The following TSPAN15 variants were observed in gnomAD, a reference collection of about 807,000 sequenced individuals.
TSPAN15 encodes the protein tetraspanin 15.
Under a neutral mutation model 34.5 loss-of-function variants are expected in TSPAN15, and 20 were observed. That is an observed-to-expected ratio of 0.58 (90% confidence interval 0.41 to 0.84). TSPAN15 has a LOEUF of 0.84. Among genes scored for constraint, TSPAN15 ranks in the 40% least tolerant of loss-of-function variants. The probability of loss-of-function intolerance (pLI) is 0.00; values close to 1 mark genes in which losing one functional copy is unlikely to be tolerated. For synonymous variants in TSPAN15, 155 were observed against 153.9 expected, an observed-to-expected ratio of 1.01 and a Z score of -0.05; for missense variants, 313 against 386.1, an observed-to-expected ratio of 0.81 and a Z score of 1.59.
At chr10:69,474,424 A>G (rs1456900661) in intron 1 of TSPAN15, among the ~76,000 whole-genome samples, 1 of 152,046 alleles carries the variant, frequency 6.6e-6, no homozygotes, top group Non-Finnish European at 1.5e-5. Context: ...GGCTGCCAGG[A>G]CCTTGGACTG....
chr10:69,536,751 G>A, the TSPAN15 span, among the ~76,000 whole-genome samples: 1 of 152,070 alleles, frequency 6.6e-6, no homozygotes, highest in Non-Finnish European at 1.5e-5. Flanking sequence ...TTGAGAGGAC[G>A]AGGCGGGTGG....
intron 1 of TSPAN15, among the ~76,000 whole-genome samples, chr10:69,459,263 A>G (rs1278336834): frequency 6.6e-6 from 1 of 152,116 alleles, no homozygotes; most frequent in Non-Finnish European, 1.5e-5. Flanking sequence ...AAGTCAACAA[A>G]TAGTTATTTG....
At chr10:69,473,262 C>A (rs556644166) in intron 1 of TSPAN15, among the ~76,000 whole-genome samples, 2 of 152,116 alleles carry the variant, frequency 1.3e-5, no homozygotes, top group African/African-American at 2.4e-5. Context: ...TGGGCTCAAG[C>A]GATGGGAGGA....
At position 69,451,479 on chromosome 10, in the gene TSPAN15, G is replaced by A. The variant is rs1589615259; in HGVS notation, c.-116G>A. 3 of 1,291,100 alleles carry A rather than the reference G, an allele frequency of 2.3e-6. No homozygotes were observed. Among genetic ancestry groups the A allele is most frequent in the Middle Eastern group, 5.8e-4 (2 of 3,476 alleles). 80.0% of individuals were successfully genotyped at this position (1,291,100 alleles called of 1,614,324 possible). A position where few individuals can be genotyped will look rare whatever the true frequency, so the allele number is the denominator to read the frequency against. ...CGCGCTCCAGTGTCAGTCCCGGAGA[G>A]AACGCCGGTGGCGGGGCTGGTAGCC... On this transcript the variant is annotated 5_prime_UTR_variant, in exon 1 of 8. Coordinates refer to ENST00000373290, the MANE Select transcript of TSPAN15 (RefSeq NM_012339.5).
chr10:69,543,495 C>T, the TSPAN15 span, among the ~76,000 whole-genome samples: 1 of 152,182 alleles, frequency 6.6e-6, no homozygotes. Context: ...TCCAAGGGGA[C>T]TACTAGCAGC....
chr10:69,543,029 A>G, the TSPAN15 span, among the ~76,000 whole-genome samples: 2 of 152,110 alleles, frequency 1.3e-5, no homozygotes, highest in African/African-American at 2.4e-5. Context: ...TTCTCCCTTT[A>G]GGGGAAGTCT....
the TSPAN15 span, among the ~76,000 whole-genome samples, chr10:69,537,270 T>A: frequency 1.3e-5 from 2 of 151,990 alleles, no homozygotes; most frequent in African/African-American, 4.8e-5. Flanking sequence ...CGTGAAAGAG[T>A]ATGGCACTGC....
At chr10:69,525,754 G>C in the TSPAN15 span, among the ~76,000 whole-genome samples, 2 of 145,264 alleles carry the variant, frequency 1.4e-5, 1 homozygote, top group East Asian at 5.2e-4. Context: ...CTGGGAGGCA[G>C]AGGCTGCAGT....
chr10:69,477,174 C>T lies in TSPAN15; in HGVS notation c.97-6517C>T, dbSNP rs139063808. On this transcript the variant is annotated intron_variant, in intron 1 of 7. Coordinates refer to ENST00000373290, the MANE Select transcript of TSPAN15 (RefSeq NM_012339.5). ...TCTTTGAGACAGAGTCTCACTCTGT[C>T]GCCAGGCTGGAGTACAGTGGCACAA... Among the ~76,000 whole-genome samples the T allele has an allele frequency of 4.9e-3, 753 of 152,162 alleles. 5 individuals are homozygous for T. Among genetic ancestry groups the T allele is most frequent in the African/African-American group, 0.017 (717 of 41,506 alleles).
the TSPAN15 span, among the ~76,000 whole-genome samples, chr10:69,524,036 G>A: frequency 6.8e-6 from 1 of 148,056 alleles, no homozygotes; most frequent in Non-Finnish European, 1.5e-5. Context: ...AAACATCTCT[G>A]TTTTATGATG....
chr10:69,478,862 G>A (rs2394563), intron 1 of TSPAN15, among the ~76,000 whole-genome samples: 25,310 of 152,226 alleles, frequency 0.17, 2,619 homozygotes, highest in Non-Finnish European at 0.23. Flanking sequence ...GAATGTAAAT[G>A]ACATTTTAAG....
At chr10:69,509,620 G>A (rs1210064259), downstream of TSPAN15, among the ~76,000 whole-genome samples, 5 of 152,118 alleles carry the variant, frequency 3.3e-5, no homozygotes. Flanking sequence ...GGCTTTTGTT[G>A]CCATTGCTTT....
At chr10:69,462,174 T>G (rs1425824023) in intron 1 of TSPAN15, among the ~76,000 whole-genome samples, 3 of 145,580 alleles carry the variant, frequency 2.1e-5, no homozygotes, top group Non-Finnish European at 4.5e-5. Context: ...TTTTTTTTTT[T>G]TTTTTTTGTA....
intron 2 of TSPAN15, 124 bp downstream of exon 2, chr10:69,484,000 T>A: frequency 9.6e-7 from 1 of 1,044,012 alleles, no homozygotes; most frequent in Non-Finnish European, 1.4e-6. Context: ...AGAGAGCTCC[T>A]TAGATCAGCC....
chr10:69,458,376 T>A (rs1409876682), intron 1 of TSPAN15, among the ~76,000 whole-genome samples: 1 of 152,260 alleles, frequency 6.6e-6, no homozygotes, highest in Non-Finnish European at 1.5e-5. Context: ...TCCCCTTTGA[T>A]TCTACCACTG....
rs1842362793 is a variant in TSPAN15, at chr10:69,507,651, G to GTTTTGTTTTTTTTTTTTTTTTTTTTT, written c.*677_*678insGTTTTTTTTTTTTTTTTTTTTTTTTT. The GTTTTGTTTTTTTTTTTTTTTTTTTTT allele has an allele frequency of 1.2e-6, 1 of 839,134 alleles. No homozygotes were observed. Among genetic ancestry groups the GTTTTGTTTTTTTTTTTTTTTTTTTTT allele is most frequent in the African/African-American group, 1.9e-5 (1 of 51,370 alleles). 52.0% of individuals were successfully genotyped at this position (839,134 alleles called of 1,614,324 possible). On this transcript the variant is annotated 3_prime_UTR_variant, in exon 8 of 8. Coordinates refer to ENST00000373290, the MANE Select transcript of TSPAN15 (RefSeq NM_012339.5). ...TTTGTTAATCAAACAATAAAAACATGTTTTTTTTTTTTTTTTTTTTTTGCC... is the reference window on the plus strand; with the variant it reads ...TTTGTTAATCAAACAATAAAAACATGTTTTGTTTTTTTTTTTTTTTTTTTTTTTTTTTTTTTTTTTTTTTTTTTGCC...
At chr10:69,535,319 G>A in the TSPAN15 span, among the ~76,000 whole-genome samples, 1 of 152,124 alleles carries the variant, frequency 6.6e-6, no homozygotes, top group Non-Finnish European at 1.5e-5. Flanking sequence ...ACTTGAAGAG[G>A]CTCCCAGTAG....
chr10:69,527,017 G>C, the TSPAN15 span, among the ~76,000 whole-genome samples: 1 of 147,574 alleles, frequency 6.8e-6, no homozygotes, highest in African/African-American at 2.5e-5. Context: ...AGAAAAATTT[G>C]TACACAAATG....
chr10:69,465,741 T>C (rs1334802504), intron 1 of TSPAN15, among the ~76,000 whole-genome samples: 1 of 152,182 alleles, frequency 6.6e-6, no homozygotes, highest in Admixed American at 6.5e-5. Flanking sequence ...CTGGCCTAGA[T>C]GTTTGTTCTT....
Sources: allele counts gnomAD v4.1 joint callset (sites outside exome capture counted in the v4.1 genomes callset), GRCh38; gene constraint gnomAD v4.1.1; transcripts MANE v1.5; gene names NCBI Gene and HGNC (gene_info 2026-07-23, HGNC 2026-07-21).